PCBP3: variants seen among roughly 807,000 people sequenced by gnomAD.
PCBP3 encodes the protein poly(rC) binding protein 3.
Under a neutral mutation model 52.7 loss-of-function variants are expected in PCBP3, and 25 were observed. That is an observed-to-expected ratio of 0.47 (90% CI 0.35 to 0.66). The LOEUF is 0.66. Ranked by LOEUF, PCBP3 falls within the 30% of genes least tolerant of loss-of-function variation. The probability of loss-of-function intolerance (pLI) is 0.01; values close to 1 mark genes in which losing one functional copy is unlikely to be tolerated. For synonymous variants in PCBP3, 162 were observed against 183.0 expected (o/e 0.89, Z 0.93); for missense variants, 391 against 490.3 (o/e 0.80, Z 1.91).
At chr21:45,843,685 CT>C (rs1454281135) in intron 4 of PCBP3, among the ~76,000 whole-genome samples, 1 of 152,142 alleles carries the variant, frequency 6.6e-6, no homozygotes, top group Non-Finnish European at 1.5e-5. Context: ...GTAAAGTTAT[CT>C]TTTGCTAATG....
At chr21:45,828,951 G>A (rs938920536) in intron 4 of PCBP3, 1 of 152,424 alleles carries the variant, frequency 6.6e-6, no homozygotes, top group Non-Finnish European at 1.5e-5. Context: ...TGGAAGCCTT[G>A]TGCCAGCGGT....
intron 7 of PCBP3, among the ~76,000 whole-genome samples, chr21:45,900,024 T>C (rs959040261): frequency 6.6e-6 from 1 of 152,316 alleles, no homozygotes; most frequent in Admixed American, 6.5e-5. Context: ...AAATCAGGGC[T>C]GGCCCGGGGG....
chr21:45,783,108 A>G (rs1006506269), intron 4 of PCBP3, among the ~76,000 whole-genome samples: 2 of 152,250 alleles, frequency 1.3e-5, no homozygotes, highest in Admixed American at 6.5e-5. Flanking sequence ...TCTCGCCCAG[A>G]TAATGACATT....
chr21:45,899,448 G>C lies in PCBP3; in HGVS notation c.166-151G>C. The C allele has an allele frequency of 6.3e-6, 4 of 639,404 alleles. No homozygotes were observed. The South Asian group carries it at 7.5e-5, about 12-fold the overall frequency. The allele number at this position is 639,404 out of a possible 1,614,324, so 39.6% of individuals were successfully genotyped here. On this transcript the variant is annotated intron_variant, in intron 6 of 17. Transcript: ENST00000681687. The stretch of plus-strand genomic sequence containing the variant: ...GTACACACACCCCTCCCCACCAGCA[G>C]ATTCTGAATTCTCCCTTCTTCATGC...
chr21:45,657,917 A>G (rs532034478), intron 1 of PCBP3, among the ~76,000 whole-genome samples: 11 of 152,192 alleles, frequency 7.2e-5, no homozygotes, highest in Admixed American at 3.9e-4. Flanking sequence ...TTCTCATGTA[A>G]TTGCCCTGGT....
At chr21:45,740,697 ATGTG>A (rs950933265) in intron 3 of PCBP3, among the ~76,000 whole-genome samples, 1 of 150,114 alleles carries the variant, frequency 6.7e-6, no homozygotes, top group Non-Finnish European at 1.5e-5. Flanking sequence ...GCGTGTGTGT[ATGTG>A]TGTGCAGGTG....
intron 5 of PCBP3, among the ~76,000 whole-genome samples, chr21:45,881,677 G>A (rs1010821150): frequency 2.0e-5 from 3 of 152,096 alleles, no homozygotes; most frequent in Admixed American, 2.0e-4. Flanking sequence ...TTTGACTCCC[G>A]TCTAACTGAA....
chr21:45,710,568 G>A (rs1484119340), intron 2 of PCBP3, among the ~76,000 whole-genome samples: 6 of 152,166 alleles, frequency 3.9e-5, no homozygotes. Context: ...TTGGACACAT[G>A]CTGCTATAAC....
chr21:45,923,635 G>C (rs2074804628), intron 13 of PCBP3, among the ~76,000 whole-genome samples: 1 of 152,188 alleles, frequency 6.6e-6, no homozygotes, highest in East Asian at 1.9e-4. Flanking sequence ...GGAAGAACAT[G>C]CATCCAGTTG....
intron 4 of PCBP3, among the ~76,000 whole-genome samples, chr21:45,810,650 G>A (rs1157923554): frequency 6.6e-6 from 1 of 152,012 alleles, no homozygotes; most frequent in Non-Finnish European, 1.5e-5. Flanking sequence ...TCTCATCTCT[G>A]TGTCAGATTT....
At chr21:45,740,572 G>C (rs1169711867) in intron 3 of PCBP3, among the ~76,000 whole-genome samples, 2 of 152,014 alleles carry the variant, frequency 1.3e-5, no homozygotes, top group Non-Finnish European at 2.9e-5. Context: ...AACCTAGAAA[G>C]CTGAGAGGTG....
chr21:45,874,866 G>C (rs2095190376), intron 5 of PCBP3, among the ~76,000 whole-genome samples: 1 of 152,216 alleles, frequency 6.6e-6, no homozygotes, highest in Admixed American at 6.5e-5. Context: ...CTGTGCTGCT[G>C]CTCCTTGCTG....
At position 45,704,172 on chromosome 21, in the gene PCBP3, G is replaced by A. The variant is rs968966877; in HGVS notation, c.-199-31220G>A. On this transcript the variant is annotated intron_variant, in intron 2 of 17. Transcript: ENST00000681687. The surrounding 1 kb of genome is among the most constrained non-coding windows in gnomAD (Gnocchi z 4.1). ...GAAAGCCAAGGGGCACTGCCCAGCC[G>A]CTGAGTGGGTGGTGGTGAAGGTCAT... is the stretch of plus-strand genomic sequence containing the variant. Among the ~76,000 whole-genome samples the A allele has an allele frequency of 2.0e-5, 3 of 152,164 alleles. No individual in the cohort carries two copies. The highest frequency in any genetic ancestry group is 7.2e-5 in the African/African-American group (3 of 41,452).
At chr21:45,795,353 T>G (rs768951288) in intron 4 of PCBP3, among the ~76,000 whole-genome samples, 24 of 151,002 alleles carry the variant, frequency 1.6e-4, no homozygotes, top group Non-Finnish European at 2.8e-4. Context: ...TTTCTTTACC[T>G]TCTCTCTCTC....
Position 45,802,084 on chromosome 21 carries a change from G to T in PCBP3, c.-126+46632G>T, listed in dbSNP as rs1374089307. Among the ~76,000 whole-genome samples, 1 of 152,192 alleles carries T rather than the reference G, an allele frequency of 6.6e-6. No homozygotes were observed. The highest frequency in any genetic ancestry group is 2.4e-5 in the African/African-American group (1 of 41,462). On this transcript the variant is annotated intron_variant, in intron 4 of 17. Transcript: ENST00000681687. This position sits in a 1 kb window ranked among gnomAD's most constrained non-coding sequence, Gnocchi z 5.1. ...GATTCAGCAGTGACTTCTGGGCTGGGTGGTTAGCGGGGCTCCCTCCTTTAC... is the reference window on the plus strand; with the variant it reads ...GATTCAGCAGTGACTTCTGGGCTGGTTGGTTAGCGGGGCTCCCTCCTTTAC...
chr21:45,849,996 T>A lies in PCBP3; in HGVS notation c.-90T>A. 4.0e-6 allele frequency: 5 copies of A among 1,264,250 alleles called. No homozygotes were observed. Among genetic ancestry groups the A allele is most frequent in the Non-Finnish European group, 5.7e-6 (5 of 884,794 alleles). The allele number at this position is 1,264,250 out of a possible 1,614,324, so 78.3% of individuals were successfully genotyped here. On this transcript the variant is annotated 5_prime_UTR_variant, in exon 5 of 18. It introduces an in-frame stop codon into an upstream open reading frame of the 5' UTR. Coordinates refer to ENST00000681687, the MANE Select transcript of PCBP3 (RefSeq NM_001384156.1). ...TCCACGACAAAAGTCAACCCTTCTG[T>A]AAATCACCTGCTGTGGTTATGATGC...
intron 5 of PCBP3, among the ~76,000 whole-genome samples, chr21:45,876,850 C>T (rs552416374): frequency 1.3e-5 from 2 of 152,234 alleles, no homozygotes; most frequent in South Asian, 2.1e-4. Context: ...GCACAGCTAA[C>T]GGGGGTATGG....
At chr21:45,775,812 A>T (rs562852433) in intron 4 of PCBP3, among the ~76,000 whole-genome samples, 1 of 151,852 alleles carries the variant, frequency 6.6e-6, no homozygotes, top group South Asian at 2.1e-4. Flanking sequence ...CCTTTGTATT[A>T]TTTTTCTGGT....
rs552803643 is a variant in PCBP3 at position 45,676,543 on chromosome 21, C to T, written c.-200+7591C>T. Among the ~76,000 whole-genome samples, 24 of 152,106 alleles carry T rather than the reference C, an allele frequency of 1.6e-4. No individual in the cohort carries two copies. The South Asian group carries it at 4.6e-3, about 29-fold the overall frequency. ...ATCTGTTATGGTTATCTGTGGTCAG[C>T]GATCTTTGTTACTATTGTAATTATT... On this transcript the variant is annotated intron_variant, in intron 2 of 17. Transcript: ENST00000681687.
Sources: allele counts gnomAD v4.1 joint callset (sites outside exome capture counted in the v4.1 genomes callset), GRCh38; gene constraint gnomAD v4.1.1; non-coding constraint Gnocchi (gnomAD v3.1); transcripts MANE v1.5; gene names NCBI Gene and HGNC (gene_info 2026-07-23, HGNC 2026-07-21).